FGF1: variants seen among roughly 807,000 people sequenced by gnomAD.
FGF1 encodes the protein beta-endothelial cell growth factor.
Under a neutral mutation model 13.4 loss-of-function variants are expected in FGF1, and 9 were observed. The observed-to-expected ratio is 0.67, with a 90% confidence interval of 0.40 to 1.17. The LOEUF is 1.17. FGF1 is among the 50% of genes most tolerant of loss of function. The pLI is 0.01. For missense variants in FGF1, 156 were observed against 192.7 expected (o/e 0.81, Z 1.13); for synonymous variants, 93 against 79.0 (o/e 1.18, Z -0.94).
chr5:142,678,330 G>A (rs534410345), intron 1 of FGF1, among the ~76,000 whole-genome samples: 3 of 152,230 alleles, frequency 2.0e-5, no homozygotes, highest in South Asian at 4.2e-4. Context: ...CATGGCATTC[G>A]GTTTTATATG....
intron 1 of FGF1, among the ~76,000 whole-genome samples, chr5:142,684,857 G>A (rs1482148684): frequency 6.6e-6 from 1 of 152,166 alleles, no homozygotes; most frequent in Non-Finnish European, 1.5e-5. Flanking sequence ...CCACTGGGTC[G>A]GGGAGCTAAC....
intron 1 of FGF1, among the ~76,000 whole-genome samples, chr5:142,633,802 C>G (rs1159649943): frequency 6.6e-6 from 1 of 152,110 alleles, no homozygotes; most frequent in Non-Finnish European, 1.5e-5. Context: ...AAGCTCATCC[C>G]CTGACTTCTG....
chr5:142,640,264 A>C (rs901847389), intron 1 of FGF1, among the ~76,000 whole-genome samples: 1 of 151,908 alleles, frequency 6.6e-6, no homozygotes, highest in South Asian at 2.1e-4. Flanking sequence ...AAAAGCAAAG[A>C]CCCTGCTTTC....
At chr5:142,598,381 C>T (rs1262512712) in intron 3 of FGF1, among the ~76,000 whole-genome samples, 2 of 152,160 alleles carry the variant, frequency 1.3e-5, no homozygotes, top group East Asian at 1.9e-4. Context: ...GCACTTGGTA[C>T]AATGCTGAAG....
intron 2 of FGF1, among the ~76,000 whole-genome samples, chr5:142,602,200 G>T (rs1756717764): frequency 1.3e-5 from 2 of 150,966 alleles, no homozygotes; most frequent in African/African-American, 2.4e-5. Flanking sequence ...CTTTTGAGAC[G>T]GAGTCTTGTT....
chr5:142,678,434 C>T (rs1773062047), intron 1 of FGF1, among the ~76,000 whole-genome samples: 1 of 152,138 alleles, frequency 6.6e-6, no homozygotes, highest in Non-Finnish European at 1.5e-5. Context: ...CAGGCACCTG[C>T]AAGGCTGCAA....
At chr5:142,637,118 A>C (rs908900584) in intron 1 of FGF1, among the ~76,000 whole-genome samples, 2 of 151,904 alleles carry the variant, frequency 1.3e-5, no homozygotes, top group African/African-American at 4.9e-5. Context: ...GGACACCTTG[A>C]GTATGTCAGC....
At chr5:142,622,184 C>T (rs1412043407) in intron 1 of FGF1, among the ~76,000 whole-genome samples, 2 of 152,230 alleles carry the variant, frequency 1.3e-5, no homozygotes, top group Non-Finnish European at 2.9e-5. Context: ...GTTGAATGGG[C>T]AAATGAATGT....
chr5:142,653,668 C>T (rs1377012284), intron 1 of FGF1, among the ~76,000 whole-genome samples: 1 of 152,248 alleles, frequency 6.6e-6, no homozygotes, highest in Non-Finnish European at 1.5e-5. Flanking sequence ...ATGTCCTCCT[C>T]TACCCCTCAG....
intron 1 of FGF1, among the ~76,000 whole-genome samples, chr5:142,638,459 A>G (rs1764644738): frequency 6.6e-6 from 1 of 151,956 alleles, no homozygotes; most frequent in Non-Finnish European, 1.5e-5. Flanking sequence ...TTTTTATCCC[A>G]TGTCTAGCAT....
intron 1 of FGF1, among the ~76,000 whole-genome samples, chr5:142,645,926 T>G (rs144461455): frequency 0.013 from 2,055 of 152,332 alleles, 44 homozygotes; most frequent in African/African-American, 0.046. Flanking sequence ...TTTGTTTGTT[T>G]TAGACGGAGT....
At chr5:142,620,918 ACC>A (rs1761457426) in intron 1 of FGF1, among the ~76,000 whole-genome samples, 2 of 152,100 alleles carry the variant, frequency 1.3e-5, no homozygotes, top group Non-Finnish European at 2.9e-5. Context: ...AATCACTCCC[ACC>A]TGTTCAGTTG....
At chr5:142,663,831 C>T (rs975685935) in intron 1 of FGF1, among the ~76,000 whole-genome samples, 8 of 152,210 alleles carry the variant, frequency 5.3e-5, no homozygotes, top group Middle Eastern at 3.4e-3. Flanking sequence ...ATAAGGCTTT[C>T]GAAGAGGCAG....
At chr5:142,624,545 A>G (rs1257027065) in intron 1 of FGF1, among the ~76,000 whole-genome samples, 1 of 152,214 alleles carries the variant, frequency 6.6e-6, no homozygotes, top group Non-Finnish European at 1.5e-5. Flanking sequence ...ACTGTTCAGG[A>G]TGACAGAGAA....
intron 1 of FGF1, among the ~76,000 whole-genome samples, chr5:142,659,521 C>A (rs1004404887): frequency 5.9e-5 from 9 of 152,084 alleles, no homozygotes; most frequent in Admixed American, 5.9e-4. Flanking sequence ...GCGCCCAGCC[C>A]TTGCATCAGT....
chr5:142,672,886 G>A (rs1263594927), intron 1 of FGF1, among the ~76,000 whole-genome samples: 4 of 152,068 alleles, frequency 2.6e-5, no homozygotes, highest in African/African-American at 2.4e-5. Context: ...ACCAGCTTCC[G>A]GACCTGACCC....
intron 1 of FGF1, among the ~76,000 whole-genome samples, chr5:142,657,223 C>A (rs1237609789): frequency 6.6e-6 from 1 of 152,112 alleles, no homozygotes; most frequent in Non-Finnish European, 1.5e-5. Flanking sequence ...AGGCCTACTG[C>A]AGGTATTTTC....
chr5:142,674,814 A>G (rs7736454), intron 1 of FGF1, among the ~76,000 whole-genome samples: 48,993 of 152,040 alleles, frequency 0.32, 8,407 homozygotes, highest in African/African-American at 0.45. Flanking sequence ...GATATTCTTT[A>G]TAATTCTTAG....
At chr5:142,656,331 C>T (rs1768154610) in intron 1 of FGF1, among the ~76,000 whole-genome samples, 2 of 149,246 alleles carry the variant, frequency 1.3e-5, no homozygotes, top group African/African-American at 5.1e-5. Flanking sequence ...TATAGTAACC[C>T]ACAATATCTT....
Sources: gnomAD v4.1 joint callset for allele counts (sites outside exome capture counted in the v4.1 genomes callset) on GRCh38, gnomAD v4.1.1 for gene constraint, MANE v1.5 for transcripts, NCBI Gene and HGNC (gene_info 2026-07-23, HGNC 2026-07-21) for gene names.